The following HHAT variants were observed in gnomAD, a reference collection of about 807,000 sequenced individuals.
HHAT encodes protein-cysteine N-palmitoyltransferase HHAT.
In HHAT, 47 loss-of-function variants were observed where a neutral mutation model predicts 70.8. The observed-to-expected ratio is 0.66, with a 90% CI of 0.53 to 0.85. HHAT has a LOEUF of 0.85. HHAT is among the 40% of genes least tolerant of loss of function. The pLI is 0.00. For missense variants in HHAT, 609 were observed against 604.8 expected (o/e 1.01, Z -0.07); for synonymous variants, 228 against 247.6 (o/e 0.92, Z 0.74).
At chr1:210,416,581 AAAC>A (rs1165590973) in intron 6 of HHAT, among the ~76,000 whole-genome samples, 1 of 152,252 alleles carries the variant, frequency 6.6e-6, no homozygotes, top group South Asian at 2.1e-4. Flanking sequence ...GTGCATCTCT[AAAC>A]AACAGGCAGT....
intron 8 of HHAT, among the ~76,000 whole-genome samples, chr1:210,500,865 C>T (rs12411254): frequency 0.24 from 37,216 of 152,112 alleles, 4,962 homozygotes; most frequent in Admixed American, 0.34. Context: ...TTGGCTTCCA[C>T]AGTGAGGATC....
intron 10 of HHAT, among the ~76,000 whole-genome samples, chr1:210,598,952 A>G (rs1486780776): frequency 6.6e-6 from 1 of 152,084 alleles, no homozygotes; most frequent in Non-Finnish European, 1.5e-5. Flanking sequence ...CCAAGGCCTT[A>G]TTTGGGGATC....
At chr1:210,482,849 A>G (rs753938031) in intron 8 of HHAT, among the ~76,000 whole-genome samples, 4 of 152,200 alleles carry the variant, frequency 2.6e-5, no homozygotes, top group African/African-American at 4.8e-5. Flanking sequence ...AATTTATTAA[A>G]TGAATTTCTT....
At chr1:210,344,970 C>G (rs935456509) in intron 1 of HHAT, among the ~76,000 whole-genome samples, 1 of 152,112 alleles carries the variant, frequency 6.6e-6, no homozygotes, top group African/African-American at 2.4e-5. Context: ...AACTTGCTTC[C>G]CCTTCTTAAA....
chr1:210,369,471 A>AT (rs1415713880), intron 3 of HHAT, among the ~76,000 whole-genome samples: 1 of 152,242 alleles, frequency 6.6e-6, no homozygotes, highest in Non-Finnish European at 1.5e-5. Flanking sequence ...GCCCATGAAG[A>AT]TTTTTAAGAT....
chr1:210,607,325 A>G (rs1193317986), intron 10 of HHAT, among the ~76,000 whole-genome samples: 1 of 151,926 alleles, frequency 6.6e-6, no homozygotes, highest in African/African-American at 2.4e-5. Context: ...ATCCTTTTCA[A>G]ATGTTTACTT....
intron 3 of HHAT, among the ~76,000 whole-genome samples, chr1:210,369,386 CT>C (rs936218454): frequency 6.6e-6 from 1 of 152,174 alleles, no homozygotes; most frequent in Non-Finnish European, 1.5e-5. Flanking sequence ...CAGACGGGAG[CT>C]TGAATACGAA....
At chr1:210,522,865 C>T (rs559491691) in intron 9 of HHAT, among the ~76,000 whole-genome samples, 3 of 152,054 alleles carry the variant, frequency 2.0e-5, no homozygotes, top group Non-Finnish European at 4.4e-5. Context: ...CTCATGAAAC[C>T]TTTCTAAGAC....
intron 9 of HHAT, among the ~76,000 whole-genome samples, chr1:210,576,725 G>A (rs995702527): frequency 7.2e-5 from 11 of 152,068 alleles, no homozygotes; most frequent in African/African-American, 2.7e-4. Flanking sequence ...CTTGAATGAA[G>A]TATGCTGCTG....
At chr1:210,437,584 T>A (rs2093408244) in intron 7 of HHAT, among the ~76,000 whole-genome samples, 1 of 151,864 alleles carries the variant, frequency 6.6e-6, no homozygotes, top group African/African-American at 2.4e-5. Context: ...AAGCTTTCAT[T>A]GCTGCCATTG....
chr1:210,572,039 G>C (rs1426561552), intron 9 of HHAT, among the ~76,000 whole-genome samples: 10 of 152,222 alleles, frequency 6.6e-5, no homozygotes, highest in Admixed American at 6.5e-4. Flanking sequence ...TTTCCTGAGC[G>C]TGGGATGATG....
chr1:210,412,814 CTG>C (rs1383303108), intron 6 of HHAT, among the ~76,000 whole-genome samples: 8 of 152,352 alleles, frequency 5.3e-5, no homozygotes, highest in African/African-American at 1.7e-4. Flanking sequence ...GGCCCTGCCT[CTG>C]TGCAGTTCTT....
At chr1:210,631,718 A>G (rs114036950) in intron 11 of HHAT, among the ~76,000 whole-genome samples, 2,629 of 152,304 alleles carry the variant, frequency 0.017, 37 homozygotes, top group Middle Eastern at 0.027. Context: ...AAATGCAACA[A>G]AGGACAACAG....
intron 9 of HHAT, among the ~76,000 whole-genome samples, chr1:210,586,101 A>T: frequency 6.6e-6 from 1 of 152,222 alleles, no homozygotes; most frequent in East Asian, 1.9e-4. Flanking sequence ...CTTTTAAAAG[A>T]TTTATTGCCT....
At chr1:210,382,642 C>T (rs187823620) in intron 3 of HHAT, among the ~76,000 whole-genome samples, 34 of 152,182 alleles carry the variant, frequency 2.2e-4, no homozygotes, top group African/African-American at 5.1e-4. Context: ...ATGTGGATGA[C>T]GGAGAAGGGA....
intron 7 of HHAT, among the ~76,000 whole-genome samples, chr1:210,455,417 A>G (rs1156340258): frequency 6.6e-6 from 1 of 152,132 alleles, no homozygotes; most frequent in Non-Finnish European, 1.5e-5. Context: ...GGACCTTTAG[A>G]GCTCGTTCCC....
At chr1:210,518,257 C>G (rs1283427778) in intron 9 of HHAT, among the ~76,000 whole-genome samples, 1 of 152,186 alleles carries the variant, frequency 6.6e-6, no homozygotes, top group African/African-American at 2.4e-5. Flanking sequence ...TCTACCCCCT[C>G]TATGGTAACC....
At chr1:210,411,227 C>A (rs2092542389) in intron 6 of HHAT, among the ~76,000 whole-genome samples, 1 of 152,138 alleles carries the variant, frequency 6.6e-6, no homozygotes, top group South Asian at 2.1e-4. Context: ...CAGCTGCTAT[C>A]TCTCCACTCC....
intron 9 of HHAT, among the ~76,000 whole-genome samples, chr1:210,586,920 G>T (rs1240746809): frequency 2.6e-5 from 4 of 152,172 alleles, no homozygotes; most frequent in African/African-American, 9.7e-5. Context: ...ATACCCAGGG[G>T]ACAGCTATGC....
Sources: allele counts gnomAD v4.1 joint callset (sites outside exome capture counted in the v4.1 genomes callset), GRCh38; gene constraint gnomAD v4.1.1; transcripts MANE v1.5; gene names NCBI Gene and HGNC (gene_info 2026-07-23, HGNC 2026-07-21).